CNKSR2: variants seen among roughly 807,000 people sequenced by gnomAD.
CNKSR2 encodes connector enhancer of kinase suppressor of Ras 2, also known as CNK homolog protein 2.
Under a neutral mutation model 84.4 loss-of-function variants are expected in CNKSR2, and 14 were observed. That is an observed-to-expected ratio of 0.17 (90% CI 0.11 to 0.26). The LOEUF is 0.26. CNKSR2 is among the 10% of genes least tolerant of loss of function. The probability of loss-of-function intolerance (pLI) is 1.00; values close to 1 mark genes in which losing one functional copy is unlikely to be tolerated. For missense variants in CNKSR2, 485 were observed against 771.2 expected (o/e 0.63, Z 4.40); for synonymous variants, 275 against 277.9 (o/e 0.99, Z 0.10).
At chrX:21,613,572 C>T (rs2092561166) in intron 20 of CNKSR2, among the ~76,000 whole-genome samples, 1 of 112,402 alleles carries the variant, frequency 8.9e-6, no homozygotes, top group Admixed American at 9.4e-5. Context: ...CCACTGTACA[C>T]ATTAGATTAT....
rs1192879394 is a variant in CNKSR2 at position 21,432,596 on chromosome X, CTT to C, written c.229-11_229-10del. ...AACTGACTTTAAATATATTCTCTCTCTTTTTTATAATTCAGAATTATGGCTTG... is the reference window on the plus strand; with the variant it reads ...AACTGACTTTAAATATATTCTCTCTCTTTTATAATTCAGAATTATGGCTTG... On this transcript the variant is annotated splice_polypyrimidine_tract_variant and intron_variant, in intron 2 of 21. Transcript: ENST00000379510. The C allele has an allele frequency of 9.3e-7, 1 of 1,076,521 alleles. No individual in the cohort carries two copies. The highest frequency in any genetic ancestry group is 2.6e-5 in the Admixed American group (1 of 38,204). The allele number at this position is 1,076,521 out of a possible 1,213,427, so 88.7% of individuals were successfully genotyped here.
At chrX:21,466,987 A>G (rs1324678775) in intron 4 of CNKSR2, among the ~76,000 whole-genome samples, 1 of 111,993 alleles carries the variant, frequency 8.9e-6, no homozygotes, top group African/African-American at 3.2e-5. Context: ...ACAAACAAGT[A>G]GAAGCAACTG....
chrX:21,632,988 T>TAC (rs1259737637), intron 20 of CNKSR2, among the ~76,000 whole-genome samples: 8 of 96,843 alleles, frequency 8.3e-5, no homozygotes, highest in East Asian at 3.5e-4. Context: ...ACTTATATAA[T>TAC]ATACACACAC....
chrX:21,625,340 G>A (rs112942819), intron 20 of CNKSR2, among the ~76,000 whole-genome samples: 5,916 of 111,401 alleles, frequency 0.053, 183 homozygotes, highest in Non-Finnish European at 0.074. Flanking sequence ...CAGAAACCTA[G>A]CCATTCAAAA....
In CNKSR2 at chrX:21,595,320, G is replaced by T; in HGVS notation, c.1905-4G>T. On this transcript the variant is annotated splice_polypyrimidine_tract_variant and splice_region_variant and intron_variant, in intron 16 of 21. Transcript: ENST00000379510. ...TAATAAATGTACTTTGTTTCCTTTT[G>T]CAGTGCATTCAAAGCCTGTCATCCT... The T allele has an allele frequency of 3.4e-6, 4 of 1,168,813 alleles. No individual in the cohort carries two copies. The East Asian group carries it at 8.9e-5, about 26-fold the overall frequency.
intron 1 of CNKSR2, among the ~76,000 whole-genome samples, chrX:21,413,120 G>A (rs748750161): frequency 7.2e-5 from 8 of 110,921 alleles, no homozygotes; most frequent in South Asian, 3.9e-4. Context: ...TGAATTTGAC[G>A]ACTGCATGAC....
chrX:21,635,454 ATAT>A (rs2092667475), intron 20 of CNKSR2, among the ~76,000 whole-genome samples: 1 of 104,051 alleles, frequency 9.6e-6, no homozygotes, highest in Non-Finnish European at 1.9e-5. Flanking sequence ...ATATACACCT[ATAT>A]ATATGTATAT....
chrX:21,544,379 C>T (rs1025731182), intron 11 of CNKSR2, among the ~76,000 whole-genome samples: 13 of 111,297 alleles, frequency 1.2e-4, no homozygotes, highest in African/African-American at 3.9e-4. Flanking sequence ...AATCTCTCAG[C>T]GTCAGGAATC....
chrX:21,419,310 T>C (rs977010703), intron 1 of CNKSR2, among the ~76,000 whole-genome samples: 1 of 111,300 alleles, frequency 9.0e-6, no homozygotes, highest in Non-Finnish European at 1.9e-5. Context: ...CTGTGTTATC[T>C]TGAAATTTCT....
chrX:21,480,516 C>T (rs1489924753), intron 5 of CNKSR2, among the ~76,000 whole-genome samples: 1 of 112,037 alleles, frequency 8.9e-6, no homozygotes, highest in East Asian at 2.8e-4. Context: ...TGAGTGATCT[C>T]TCATCTTCTT....
At chrX:21,637,691 C>A (rs2092678163) in intron 20 of CNKSR2, among the ~76,000 whole-genome samples, 1 of 111,417 alleles carries the variant, frequency 9.0e-6, no homozygotes, top group Non-Finnish European at 1.9e-5. Flanking sequence ...GGTATGAGCC[C>A]ACTGTCTCCA....
chrX:21,555,592 T>G (rs1227505053), intron 11 of CNKSR2, among the ~76,000 whole-genome samples: 1 of 111,471 alleles, frequency 9.0e-6, no homozygotes, highest in Non-Finnish European at 1.9e-5. Flanking sequence ...TTCTGTCTGG[T>G]ATGTGGGGTT....
intron 1 of CNKSR2, chrX:21,423,590 A>C (rs2090526068): frequency 8.9e-6 from 1 of 112,108 alleles, no homozygotes; most frequent in Non-Finnish European, 1.9e-5. Context: ...TACTTGTTAT[A>C]GAGCGACTGC....
At chrX:21,607,699 G>A (rs2092526184) in intron 19 of CNKSR2, among the ~76,000 whole-genome samples, 1 of 110,802 alleles carries the variant, frequency 9.0e-6, no homozygotes, top group Non-Finnish European at 1.9e-5. Flanking sequence ...AGCTACTCGG[G>A]AGGCTGAGGC....
intron 21 of CNKSR2, among the ~76,000 whole-genome samples, chrX:21,649,611 A>G (rs183112307): frequency 6.4e-4 from 71 of 111,681 alleles, no homozygotes; most frequent in African/African-American, 2.1e-3. Flanking sequence ...TCTCCTTATT[A>G]TATGCCCCCA....
At chrX:21,441,003 A>G in intron 4 of CNKSR2, 1 of 252,239 alleles carries the variant, frequency 4.0e-6, no homozygotes. Context: ...CTGTACACAC[A>G]CAAACAAATG....
At chrX:21,555,994 G>A (rs974997877) in intron 11 of CNKSR2, among the ~76,000 whole-genome samples, 1 of 110,866 alleles carries the variant, frequency 9.0e-6, no homozygotes, top group Non-Finnish European at 1.9e-5. Context: ...GACTTGATTG[G>A]CAAACAGTTC....
chrX:21,541,356 T>C (rs1267996302), intron 11 of CNKSR2, among the ~76,000 whole-genome samples: 1 of 111,897 alleles, frequency 8.9e-6, no homozygotes, highest in East Asian at 2.8e-4. Flanking sequence ...GACCCTCTAG[T>C]TGTTAAGAAT....
chrX:21,535,019 T>C (rs1478971541), intron 11 of CNKSR2, among the ~76,000 whole-genome samples: 3 of 111,378 alleles, frequency 2.7e-5, no homozygotes, highest in Non-Finnish European at 5.7e-5. Context: ...TGGGGTCTTA[T>C]ATTTAAGCGT....
Sources: allele counts gnomAD v4.1 joint callset (sites outside exome capture counted in the v4.1 genomes callset), GRCh38; gene constraint gnomAD v4.1.1; transcripts MANE v1.5; gene names NCBI Gene and HGNC (gene_info 2026-07-23, HGNC 2026-07-21).